GPM6A: variants seen among roughly 807,000 people sequenced by gnomAD.
GPM6A encodes the protein neuronal membrane glycoprotein M6-a.
A neutral mutation model predicts 32.1 loss-of-function variants in GPM6A; 7 were observed. The observed-to-expected ratio is 0.22, with a 90% CI of 0.12 to 0.41. The LOEUF is 0.41. GPM6A is among the 10% of genes least tolerant of loss of function. GPM6A has a pLI of 1.00. For missense variants in GPM6A, 235 were observed against 347.2 expected (o/e 0.68, Z 2.57); for synonymous variants, 130 against 123.4 (o/e 1.05, Z -0.35).
intron 1 of GPM6A, among the ~76,000 whole-genome samples, chr4:175,894,852 CAA>C (rs1270969982): frequency 1.3e-5 from 2 of 152,052 alleles, no homozygotes; most frequent in East Asian, 3.9e-4. Flanking sequence ...CTTCGAAGTT[CAA>C]AAAGAGATTA....
At chr4:175,960,033 A>G (rs1740117021) in intron 1 of GPM6A, among the ~76,000 whole-genome samples, 1 of 152,200 alleles carries the variant, frequency 6.6e-6, no homozygotes, top group Non-Finnish European at 1.5e-5. Context: ...AAAGAGGTTA[A>G]GTAAATTAAC....
intron 1 of GPM6A, among the ~76,000 whole-genome samples, chr4:175,710,991 C>T (rs1745497289): frequency 6.6e-6 from 1 of 152,082 alleles, no homozygotes; most frequent in Non-Finnish European, 1.5e-5. Context: ...CCAGGCCCTG[C>T]TGCTGTCTGC....
intron 1 of GPM6A, among the ~76,000 whole-genome samples, chr4:175,851,666 T>C (rs1355046446): frequency 1.3e-5 from 2 of 152,152 alleles, no homozygotes; most frequent in Non-Finnish European, 2.9e-5. Flanking sequence ...GTCAATCTAT[T>C]TCCCTTCAGA....
chr4:175,816,859 T>A (rs77200771), upstream of GPM6A, among the ~76,000 whole-genome samples: 1 of 90,856 alleles, frequency 1.1e-5, no homozygotes, highest in Non-Finnish European at 2.4e-5. Flanking sequence ...TTTTCTTTTT[T>A]TTATTTTTAT....
At chr4:175,728,341 A>T (rs1251496637) in intron 1 of GPM6A, among the ~76,000 whole-genome samples, 1 of 152,176 alleles carries the variant, frequency 6.6e-6, no homozygotes, top group African/African-American at 2.4e-5. Flanking sequence ...TAAATTCAAA[A>T]CAAAACAAAA....
intron 1 of GPM6A, among the ~76,000 whole-genome samples, chr4:175,977,249 C>A (rs953252096): frequency 6.6e-6 from 1 of 152,178 alleles, no homozygotes; most frequent in African/African-American, 2.4e-5. Flanking sequence ...ATTCCTATCA[C>A]AAATTGAAAA....
intron 1 of GPM6A, among the ~76,000 whole-genome samples, chr4:175,957,387 C>T (rs59807381): frequency 0.061 from 9,360 of 152,204 alleles, 927 homozygotes; most frequent in African/African-American, 0.21. Flanking sequence ...ATAGGTAAGT[C>T]CCTACCATGT....
chr4:175,669,179 T>A (rs1742914778), intron 3 of GPM6A, among the ~76,000 whole-genome samples: 1 of 152,224 alleles, frequency 6.6e-6, no homozygotes, highest in African/African-American at 2.4e-5. Flanking sequence ...CTAAACTTAG[T>A]ACTAAAATTT....
chr4:175,860,836 T>C (rs1173699660), intron 1 of GPM6A, among the ~76,000 whole-genome samples: 1 of 152,172 alleles, frequency 6.6e-6, no homozygotes, highest in Non-Finnish European at 1.5e-5. Flanking sequence ...TTTTTGGCCA[T>C]GAGTATTTCA....
intron 1 of GPM6A, among the ~76,000 whole-genome samples, chr4:175,739,152 T>C (rs1378743521): frequency 6.6e-6 from 1 of 152,126 alleles, no homozygotes; most frequent in Non-Finnish European, 1.5e-5. Flanking sequence ...TCTGACAGAG[T>C]AAGTTCCTAA....
chr4:175,656,309 AT>A (rs1426506579), intron 3 of GPM6A, among the ~76,000 whole-genome samples: 1 of 152,144 alleles, frequency 6.6e-6, no homozygotes, highest in Non-Finnish European at 1.5e-5. Context: ...TCCCATAATC[AT>A]TTTAGTAGCA....
At chr4:175,757,416 TC>T (rs1475170764) in intron 1 of GPM6A, among the ~76,000 whole-genome samples, 1 of 152,070 alleles carries the variant, frequency 6.6e-6, no homozygotes, top group Non-Finnish European at 1.5e-5. Flanking sequence ...GCCAAGCCAC[TC>T]CCAAATTCCC....
chr4:175,749,871 AG>A (rs1227654283), intron 1 of GPM6A, among the ~76,000 whole-genome samples: 1 of 152,152 alleles, frequency 6.6e-6, no homozygotes, highest in African/African-American at 2.4e-5. Context: ...AGAATGGAAA[AG>A]CTGCCCCCAC....
chr4:175,872,900 A>G (rs1215502865), intron 1 of GPM6A, among the ~76,000 whole-genome samples: 1 of 152,172 alleles, frequency 6.6e-6, no homozygotes, highest in East Asian at 1.9e-4. Context: ...GAATTAAACT[A>G]TACTCTCTGG....
At chr4:175,650,585 A>G (rs1171838493) in intron 4 of GPM6A, among the ~76,000 whole-genome samples, 1 of 152,028 alleles carries the variant, frequency 6.6e-6, no homozygotes, top group Non-Finnish European at 1.5e-5. Flanking sequence ...GATTACAGGT[A>G]TGAGTCACCA....
At chr4:175,907,713 T>C (rs1738175462) in intron 1 of GPM6A, among the ~76,000 whole-genome samples, 1 of 152,154 alleles carries the variant, frequency 6.6e-6, no homozygotes, top group Non-Finnish European at 1.5e-5. Flanking sequence ...ACCAACAGGC[T>C]TGCTATGTTT....
intron 3 of GPM6A, among the ~76,000 whole-genome samples, chr4:175,664,803 G>T (rs73875117): frequency 0.045 from 6,843 of 152,232 alleles, 175 homozygotes; most frequent in Non-Finnish European, 0.061. Flanking sequence ...ATCCTTTAAA[G>T]AAAGGAATTC....
chr4:175,646,405 A>G (rs1741465620), intron 4 of GPM6A, among the ~76,000 whole-genome samples: 1 of 152,194 alleles, frequency 6.6e-6, no homozygotes, highest in Admixed American at 6.5e-5. Flanking sequence ...TTAGGTTAAA[A>G]GCGCTATTTA....
At chr4:175,637,873 A>G (rs901778629) in intron 6 of GPM6A, among the ~76,000 whole-genome samples, 1 of 121,720 alleles carries the variant, frequency 8.2e-6, no homozygotes, top group Non-Finnish European at 1.6e-5. Flanking sequence ...ATTTATATAT[A>G]ATATTTATAT....
Sources: gnomAD v4.1 joint callset for allele counts (sites outside exome capture counted in the v4.1 genomes callset) on GRCh38, gnomAD v4.1.1 for gene constraint, MANE v1.5 for transcripts, NCBI Gene and HGNC (gene_info 2026-07-23, HGNC 2026-07-21) for gene names.